The following MAGI1 variants were observed in gnomAD, a reference collection of about 807,000 sequenced individuals.
The protein encoded by MAGI1 is membrane associated guanylate kinase, WW and PDZ domain containing 1.
Under a neutral mutation model 139.9 loss-of-function variants are expected in MAGI1, and 58 were observed. The ratio of observed to expected loss-of-function variants is 0.41; its 90% CI spans 0.34 to 0.52. MAGI1 has a LOEUF of 0.52. Ranked by LOEUF, MAGI1 falls within the 20% of genes least tolerant of loss-of-function variation. The pLI is 0.12. For synonymous variants in MAGI1, 812 were observed against 737.9 expected (o/e 1.10, Z -1.63); for missense variants, 1,874 against 1,901.6 (o/e 0.99, Z 0.27).
intron 1 of MAGI1, among the ~76,000 whole-genome samples, chr3:65,890,808 G>A (rs1248164734): frequency 6.6e-5 from 10 of 152,208 alleles, no homozygotes. Context: ...AAGCTACATT[G>A]ATTGAACTCC....
At chr3:65,985,440 T>C (rs1469838550) in intron 1 of MAGI1, among the ~76,000 whole-genome samples, 1 of 152,166 alleles carries the variant, frequency 6.6e-6, no homozygotes, top group African/African-American at 2.4e-5. Context: ...AGGCTCCTCC[T>C]TGGAAATGTA....
At chr3:65,928,916 C>A (rs1175303818) in intron 1 of MAGI1, among the ~76,000 whole-genome samples, 1 of 152,092 alleles carries the variant, frequency 6.6e-6, no homozygotes, top group Non-Finnish European at 1.5e-5. Context: ...ATGCAATTAG[C>A]ATGAGTTTTC....
chr3:65,604,963 C>T (rs2082664439), intron 2 of MAGI1, among the ~76,000 whole-genome samples: 1 of 152,134 alleles, frequency 6.6e-6, no homozygotes, highest in Non-Finnish European at 1.5e-5. Context: ...CTTTTACAGG[C>T]TTTCCAAGAA....
At chr3:65,959,601 T>TTA (rs2064307991) in intron 1 of MAGI1, among the ~76,000 whole-genome samples, 2 of 127,334 alleles carry the variant, frequency 1.6e-5, no homozygotes, top group Admixed American at 8.4e-5. Flanking sequence ...TCCCAGCATT[T>TTA]TTATTATTAT....
At chr3:65,523,990 T>C (rs1190442743) in intron 2 of MAGI1, among the ~76,000 whole-genome samples, 2 of 151,926 alleles carry the variant, frequency 1.3e-5, no homozygotes, top group African/African-American at 4.8e-5. Context: ...CAGTGTTTGT[T>C]ACAAAGCAAA....
intron 2 of MAGI1, among the ~76,000 whole-genome samples, chr3:65,563,611 A>G (rs1469969926): frequency 1.3e-5 from 2 of 152,192 alleles, no homozygotes; most frequent in African/African-American, 2.4e-5. Flanking sequence ...CTGACCTGAC[A>G]TGTGAGTGAG....
chr3:65,387,315 G>C (rs1275308037), intron 14 of MAGI1: 6 of 924,652 alleles, frequency 6.5e-6, no homozygotes, highest in Non-Finnish European at 1.0e-5. Flanking sequence ...ATAAGGAACA[G>C]TCAGTTCAGC....
rs1018008052 is a variant in MAGI1 at position 65,953,495 on chromosome 3, G to A, written c.313+84501C>T. Reference sequence around the variant, plus strand: ...GATTTAACCAGCAAGAGAAGGACACGGAAACCTGGGTCCCTCCGAGCCCAG... The same window carrying A: ...GATTTAACCAGCAAGAGAAGGACACAGAAACCTGGGTCCCTCCGAGCCCAG... On this transcript the variant is annotated intron_variant, in intron 1 of 22. Transcript: ENST00000402939. 8.7e-4 allele frequency among the ~76,000 whole-genome samples: 132 copies of A among 152,150 alleles called. 1 individual carries two copies. Among genetic ancestry groups the A allele is most frequent in the Admixed American group, 8.3e-3 (127 of 15,276 alleles).
intron 2 of MAGI1, among the ~76,000 whole-genome samples, chr3:65,544,491 A>G (rs2079407656): frequency 6.6e-6 from 1 of 152,204 alleles, no homozygotes; most frequent in South Asian, 2.1e-4. Context: ...GTTCTAGACT[A>G]GATGCTGTTA....
intron 1 of MAGI1, among the ~76,000 whole-genome samples, chr3:65,861,079 AC>A (rs1164717071): frequency 6.6e-6 from 1 of 152,166 alleles, no homozygotes. Flanking sequence ...AAGCACAGCC[AC>A]AACGCGGCCT....
intron 1 of MAGI1, among the ~76,000 whole-genome samples, chr3:65,915,160 C>T (rs527461582): frequency 1.7e-4 from 26 of 152,306 alleles, no homozygotes; most frequent in Admixed American, 1.5e-3. Context: ...CACTTAGCCT[C>T]TTGCCACACA....
chr3:65,845,702 A>T (rs2058969026), intron 1 of MAGI1, among the ~76,000 whole-genome samples: 1 of 152,316 alleles, frequency 6.6e-6, no homozygotes, highest in Non-Finnish European at 1.5e-5. Flanking sequence ...TGATGTGTTA[A>T]GTTCACTCCC....
At chr3:65,515,743 T>A (rs569221533) in intron 2 of MAGI1, among the ~76,000 whole-genome samples, 1 of 152,206 alleles carries the variant, frequency 6.6e-6, no homozygotes, top group Admixed American at 6.5e-5. Flanking sequence ...CTCTCAGCCA[T>A]CAGAATTGTC....
At chr3:65,575,944 A>G (rs2081155781) in intron 2 of MAGI1, among the ~76,000 whole-genome samples, 1 of 152,166 alleles carries the variant, frequency 6.6e-6, no homozygotes, top group African/African-American at 2.4e-5. Context: ...GCACAAGGAC[A>G]TTTTTGGGGG....
intron 1 of MAGI1, among the ~76,000 whole-genome samples, chr3:65,689,200 T>C (rs2088346340): frequency 1.3e-5 from 2 of 152,230 alleles, no homozygotes; most frequent in Non-Finnish European, 2.9e-5. Context: ...ATCTTTTTAC[T>C]TGATAAAGCA....
chr3:65,394,765 A>G (rs1944250852), intron 13 of MAGI1, among the ~76,000 whole-genome samples: 1 of 152,142 alleles, frequency 6.6e-6, no homozygotes, highest in African/African-American at 2.4e-5. Flanking sequence ...GTCCAGGAGA[A>G]AAACCATGTT....
chr3:65,656,259 A>G (rs1234219580), intron 1 of MAGI1, among the ~76,000 whole-genome samples: 1 of 152,134 alleles, frequency 6.6e-6, no homozygotes, highest in Non-Finnish European at 1.5e-5. Context: ...ACTTGCATCC[A>G]TCTCAAAGCC....
chr3:65,635,470 T>C (rs1013205766), intron 1 of MAGI1, among the ~76,000 whole-genome samples: 5 of 152,176 alleles, frequency 3.3e-5, no homozygotes, highest in African/African-American at 1.2e-4. Context: ...TGCCACATCA[T>C]AAAGTTGTCC....
chr3:65,524,792 ACTCT>A (rs1304431651), intron 2 of MAGI1, among the ~76,000 whole-genome samples: 1 of 152,000 alleles, frequency 6.6e-6, no homozygotes, highest in African/African-American at 2.4e-5. Context: ...TCGCATTCTA[ACTCT>A]CTCTCAGCTC....
Sources: gnomAD v4.1 joint callset for allele counts (sites outside exome capture counted in the v4.1 genomes callset) on GRCh38, gnomAD v4.1.1 for gene constraint, MANE v1.5 for transcripts, NCBI Gene and HGNC (gene_info 2026-07-23, HGNC 2026-07-21) for gene names.